The following NSF variants were observed in gnomAD, a reference collection of about 807,000 sequenced individuals.
The protein encoded by NSF is N-ethylmaleimide sensitive factor, vesicle fusing ATPase, also known as vesicle-fusing ATPase.
Under a neutral mutation model 50.3 loss-of-function variants are expected in NSF, and 14 were observed. That is an observed-to-expected ratio of 0.28 (90% confidence interval 0.18 to 0.44). The LOEUF is 0.44. Ranked by LOEUF, NSF falls within the 20% of genes least tolerant of loss-of-function variation. NSF has a pLI of 1.00. For missense variants in NSF, 218 were observed against 504.3 expected (o/e 0.43, Z 5.44); for synonymous variants, 109 against 175.7 (o/e 0.62, Z 3.00).
Position 46,718,858 on chromosome 17 carries a change from A to T in NSF, c.1761+4872A>T, listed in dbSNP as rs558383322. Among the ~76,000 whole-genome samples, 6 of 152,326 alleles carry T rather than the reference A, an allele frequency of 3.9e-5. No individual in the cohort carries two copies. In the East Asian group the frequency reaches 1.2e-3, roughly 29 times the overall value. ...GTAGTGGTTATTTTTACTTATTATTATACATACATTTTTTATTATTTCCTT... is the reference window on the plus strand; with the variant it reads ...GTAGTGGTTATTTTTACTTATTATTTTACATACATTTTTTATTATTTCCTT... On this transcript the variant is annotated intron_variant, in intron 15 of 20. Transcript: ENST00000398238.
At chr17:46,722,066 G>A (rs2058836418) in intron 15 of NSF, 8 of 1,610,076 alleles carry the variant, frequency 5.0e-6, no homozygotes, top group Admixed American at 1.7e-5. Flanking sequence ...CTTGAGGTCC[G>A]AGTTCATCTC....
At chr17:46,754,524 G>A (rs781673933) in intron 19 of NSF, among the ~76,000 whole-genome samples, 17 of 151,994 alleles carry the variant, frequency 1.1e-4, no homozygotes, top group Non-Finnish European at 2.1e-4. Context: ...TTCATCTTCA[G>A]GAACTAAAGA....
chr17:46,724,153 C>T (rs2058862922), intron 15 of NSF, among the ~76,000 whole-genome samples: 1 of 152,142 alleles, frequency 6.6e-6, no homozygotes, highest in African/African-American at 2.4e-5. Context: ...CCACCCTTTC[C>T]ACTGGTTAAC....
In NSF at chr17:46,711,076, T is replaced by C; in HGVS notation, c.1584T>C (p.Thr528=). The C allele has an allele frequency of 1.3e-6, 2 of 1,579,344 alleles. No homozygotes were observed. Among genetic ancestry groups the C allele is most frequent in the Non-Finnish European group, 1.7e-6 (2 of 1,167,630 alleles). Residue 528 remains threonine (T), a synonymous_variant, in exon 14 of 21, where the codon ACT becomes ACC. Transcript: ENST00000398238. Reference sequence around the variant, plus strand: ...ATGGGGAGCTGCTGGTGCAGCAGACTAAGAACAGTGACCGCACACCATTGG... The same window carrying C: ...ATGGGGAGCTGCTGGTGCAGCAGACCAAGAACAGTGACCGCACACCATTGG... ...LDDGELLVQQ[T]KNSDRTPLVS...
At chr17:46,626,110 CTT>C (rs1461446545) in intron 2 of NSF, among the ~76,000 whole-genome samples, 2 of 125,596 alleles carry the variant, frequency 1.6e-5, no homozygotes. Context: ...TTTTTTAAAT[CTT>C]TTTTTTTTTT....
chr17:46,728,756 T>G, intron 16 of NSF, 99 bp from the exon 17 acceptor site: 1 of 736,372 alleles, frequency 1.4e-6, no homozygotes. Context: ...ATGTAGGGAC[T>G]GTGTTTACTT....
intron 8 of NSF, among the ~76,000 whole-genome samples, chr17:46,667,913 CT>C: frequency 7.5e-6 from 1 of 132,622 alleles, no homozygotes; most frequent in Non-Finnish European, 1.7e-5. Flanking sequence ...AGTTCCCAAT[CT>C]TTTTGTTCTC....
chr17:46,718,349 T>A (rs1311388705), intron 15 of NSF, among the ~76,000 whole-genome samples: 1 of 152,002 alleles, frequency 6.6e-6, no homozygotes. Context: ...AAAAAAAAAA[T>A]TATGTATAGA....
At chr17:46,725,992 C>T (rs899200908) in intron 15 of NSF, among the ~76,000 whole-genome samples, 23 of 152,112 alleles carry the variant, frequency 1.5e-4, no homozygotes, top group Non-Finnish European at 1.5e-4. Context: ...TTTTCTTGAC[C>T]ATCTTAAGAC....
At chr17:46,750,856 A>G (rs1399068173) in intron 18 of NSF, among the ~76,000 whole-genome samples, 1 of 151,986 alleles carries the variant, frequency 6.6e-6, no homozygotes, top group Non-Finnish European at 1.5e-5. Context: ...AAAAAAAAAA[A>G]GCTACAGAAG....
At chr17:46,738,995 G>A (rs2059037935) in intron 17 of NSF, among the ~76,000 whole-genome samples, 1 of 151,794 alleles carries the variant, frequency 6.6e-6, no homozygotes. Flanking sequence ...CAGCACTTTG[G>A]GAGGCCAAGG....
intron 17 of NSF, among the ~76,000 whole-genome samples, chr17:46,746,735 G>T (rs984146799): frequency 1.3e-5 from 2 of 152,176 alleles, no homozygotes; most frequent in Non-Finnish European, 2.9e-5. Flanking sequence ...GCTCCATCAT[G>T]TATTGGTTAT....
At chr17:46,711,452 C>A (rs1331357078) in intron 14 of NSF, among the ~76,000 whole-genome samples, 1 of 152,054 alleles carries the variant, frequency 6.6e-6, no homozygotes, top group Non-Finnish European at 1.5e-5. Flanking sequence ...GAACTAGTTG[C>A]TGGGGATACA....
rs764979067 is a variant in NSF, at chr17:46,726,562, C to T, written c.1775C>T (p.Ala592Val). 1.2e-6 allele frequency: 2 copies of T among 1,613,848 alleles called. No individual in the cohort carries two copies. The highest frequency in any genetic ancestry group is 1.7e-6 in the Non-Finnish European group (2 of 1,179,784). ...GTTTTCTTTCAGATCTTTGATGATG[C>T]GTACAAATCCCAGCTCAGTTGTGTG... ...CQAMKKIFDD[A>V]YKSQLSCVVV... The change falls in exon 16 of 21, where the codon GCG becomes GTG. Residue 592 changes from alanine to valine, a missense_variant. By Grantham distance (64) the Ala-to-Val change is moderately conservative. Transcript: ENST00000398238.
chr17:46,709,932 A>T (rs1487692365), intron 13 of NSF, among the ~76,000 whole-genome samples: 1 of 152,218 alleles, frequency 6.6e-6, no homozygotes, highest in Non-Finnish European at 1.5e-5. Flanking sequence ...GGACCAGTAT[A>T]TGCAAAGAGA....
At chr17:46,703,698 A>AAAAAAAAAAAAAAAAAAG (rs2058630071) in intron 12 of NSF, among the ~76,000 whole-genome samples, 1 of 149,718 alleles carries the variant, frequency 6.7e-6, no homozygotes, top group African/African-American at 2.5e-5. Context: ...AAAAAAAAAA[A>AAAAAAAAAAAAAAAAAAG]AAAAAACAAA....
At chr17:46,716,201 T>C (rs977162122) in intron 15 of NSF, among the ~76,000 whole-genome samples, 1 of 151,908 alleles carries the variant, frequency 6.6e-6, no homozygotes, top group Non-Finnish European at 1.5e-5. Flanking sequence ...GAAAATGAAA[T>C]GTAAATGTCA....
chr17:46,739,285 C>T (rs887385109), intron 17 of NSF, among the ~76,000 whole-genome samples: 3 of 148,412 alleles, frequency 2.0e-5, no homozygotes, highest in Non-Finnish European at 4.4e-5. Context: ...GCAGGAGAAT[C>T]GCTTGAACCC....
intron 9 of NSF, among the ~76,000 whole-genome samples, chr17:46,676,463 C>T (rs2058410297): frequency 7.1e-6 from 1 of 140,478 alleles, no homozygotes; most frequent in South Asian, 2.2e-4. Context: ...AGCTCCCAGC[C>T]TCAGGTGATC....
Sources: allele counts gnomAD v4.1 joint callset (sites outside exome capture counted in the v4.1 genomes callset), GRCh38; gene constraint gnomAD v4.1.1; transcripts MANE v1.5; gene names NCBI Gene and HGNC (gene_info 2026-07-23, HGNC 2026-07-21).